CLEC16A: variants seen among roughly 807,000 people sequenced by gnomAD.
CLEC16A encodes the protein protein CLEC16A.
A neutral mutation model predicts 109.5 loss-of-function variants in CLEC16A; 51 were observed. The ratio of observed to expected loss-of-function variants is 0.47; its 90% CI spans 0.37 to 0.59. The LOEUF (loss-of-function observed/expected upper bound fraction) is 0.59. CLEC16A is among the 20% of genes least tolerant of loss of function. The probability of loss-of-function intolerance (pLI) is 0.00; values close to 1 mark genes in which losing one functional copy is unlikely to be tolerated. For missense variants in CLEC16A, 1,339 were observed against 1,394.0 expected, an observed-to-expected ratio of 0.96 and a Z score of 0.63; for synonymous variants, 673 against 564.2, an observed-to-expected ratio of 1.19 and a Z score of -2.73.
At chr16:11,167,756 C>T (rs1367140590) in intron 23 of CLEC16A, among the ~76,000 whole-genome samples, 1 of 152,232 alleles carries the variant, frequency 6.6e-6, no homozygotes. Flanking sequence ...GGCACCTGCT[C>T]CAGGGCATGA....
At chr16:11,167,102 G>T (rs1288054377) in intron 23 of CLEC16A, among the ~76,000 whole-genome samples, 2 of 152,162 alleles carry the variant, frequency 1.3e-5, no homozygotes, top group Non-Finnish European at 1.5e-5. Context: ...ACCCGGGAGT[G>T]AATGGGAGCC....
chr16:11,100,186 C>T (rs1404628322), intron 19 of CLEC16A, among the ~76,000 whole-genome samples: 1 of 152,212 alleles, frequency 6.6e-6, no homozygotes, highest in Non-Finnish European at 1.5e-5. Flanking sequence ...GTTTCAGAGC[C>T]AGTCATTCCT....
At chr16:11,040,965 G>A (rs1020156424) in intron 14 of CLEC16A, 1 of 152,160 alleles carries the variant, frequency 6.6e-6, no homozygotes, top group African/African-American at 2.4e-5. Flanking sequence ...ATGTTTCCAA[G>A]GCCTTAGAGG....
At position 11,126,557 on chromosome 16, in the gene CLEC16A, G is replaced by T. The variant is rs1015444052; in HGVS notation, c.2641+411G>T. On this transcript the variant is annotated intron_variant, in intron 22 of 23. Coordinates refer to ENST00000409790, the MANE Select transcript of CLEC16A (RefSeq NM_015226.3). ...CTGAAGAAGTGAGACTTCAAAAGAAGGCCGTGCTGCCCACAGGTCAGCTGT... is the reference window on the plus strand; with the variant it reads ...CTGAAGAAGTGAGACTTCAAAAGAATGCCGTGCTGCCCACAGGTCAGCTGT... 7.8e-5 allele frequency: 42 copies of T among 536,384 alleles called. 2 individuals are homozygous for T. The Admixed American group carries it at 1.3e-3, about 17-fold the overall frequency. 33.2% of individuals were successfully genotyped at this position (536,384 alleles called of 1,614,324 possible).
intron 19 of CLEC16A, 149 bp downstream of exon 19, chr16:11,061,171 A>G (rs756541021): frequency 2.8e-5 from 26 of 931,190 alleles, no homozygotes; most frequent in Non-Finnish European, 3.5e-5. Flanking sequence ...AGCGGTGTGC[A>G]TGTCCCATGC....
At chr16:10,985,076 G>A (rs2043547457) in intron 10 of CLEC16A, among the ~76,000 whole-genome samples, 2 of 151,708 alleles carry the variant, frequency 1.3e-5, no homozygotes, top group South Asian at 2.1e-4. Flanking sequence ...GGTGGCAGGC[G>A]CCTGCAGTCT....
chr16:11,138,374 C>T (rs1202010620), intron 22 of CLEC16A, among the ~76,000 whole-genome samples: 2 of 152,200 alleles, frequency 1.3e-5, no homozygotes, highest in Admixed American at 6.5e-5. Context: ...GATAGCAAAG[C>T]GCTTTGTGAG....
chr16:11,017,159 A>G (rs147082095), intron 11 of CLEC16A, among the ~76,000 whole-genome samples: 159 of 152,326 alleles, frequency 1.0e-3, no homozygotes, highest in African/African-American at 3.8e-3. Flanking sequence ...ACCCCGCCTC[A>G]GATCACAGCT....
At chr16:11,117,771 GA>G (rs1207263625) in intron 19 of CLEC16A, among the ~76,000 whole-genome samples, 1 of 152,102 alleles carries the variant, frequency 6.6e-6, no homozygotes, top group East Asian at 1.9e-4. Context: ...CATCTGGTGG[GA>G]AAAAATTGCA....
chr16:10,962,668 CG>C, intron 3 of CLEC16A, 80 bp downstream of exon 3: 1 of 1,479,052 alleles, frequency 6.8e-7, no homozygotes, highest in African/African-American at 1.4e-5. Flanking sequence ...TCTGTGTCTG[CG>C]CTTACTATTC....
Position 11,178,213 on chromosome 16 carries a change from C to CGCCA in CLEC16A, c.2807-113_2807-110dup. ...TGAGTGGAGCCACGCTGAGCCCTCA[C>CGCCA]GCCAGCCAGCCACCTCCCACCTAGC... On this transcript the variant is annotated intron_variant, in intron 23 of 23. Coordinates refer to ENST00000409790, the MANE Select transcript of CLEC16A (RefSeq NM_015226.3). This position sits in a 1 kb window ranked among gnomAD's most constrained non-coding sequence, Gnocchi z 6.5. 1.2e-6 allele frequency: 1 copy of CGCCA among 824,548 alleles called. No homozygotes were observed. Among genetic ancestry groups the CGCCA allele is most frequent in the South Asian group, 1.6e-5 (1 of 60,672 alleles). 51.1% of individuals were successfully genotyped at this position (824,548 alleles called of 1,614,324 possible). A position where few individuals can be genotyped will look rare whatever the true frequency, so the allele number is the denominator to read the frequency against.
chr16:11,100,484 C>T (rs746283976), intron 19 of CLEC16A, among the ~76,000 whole-genome samples: 3 of 152,226 alleles, frequency 2.0e-5, no homozygotes, highest in Non-Finnish European at 2.9e-5. Flanking sequence ...GTCCAGATTT[C>T]ACTAACTTAG....
At chr16:10,949,739 G>T (rs1455377156) in intron 1 of CLEC16A, among the ~76,000 whole-genome samples, 2 of 152,188 alleles carry the variant, frequency 1.3e-5, no homozygotes, top group Non-Finnish European at 2.9e-5. Flanking sequence ...TGGCAGAATG[G>T]ATTGGATGAG....
chr16:11,034,593 G>C (rs1187213826), intron 13 of CLEC16A, among the ~76,000 whole-genome samples: 1 of 152,066 alleles, frequency 6.6e-6, no homozygotes, highest in Non-Finnish European at 1.5e-5. Context: ...CCCTGTCCAC[G>C]GGTGGACAGG....
Position 10,978,428 on chromosome 16 carries a change from G to C in CLEC16A, c.904-901G>C, listed in dbSNP as rs553952016. On this transcript the variant is annotated intron_variant, in intron 8 of 23. Coordinates refer to ENST00000409790, the MANE Select transcript of CLEC16A (RefSeq NM_015226.3). ...TTTTCAAGATTCTCACTACAGATGAGTAAATAAAAGAAAGTGTATTTTTAG... is the reference window on the plus strand; with the variant it reads ...TTTTCAAGATTCTCACTACAGATGACTAAATAAAAGAAAGTGTATTTTTAG... Among the ~76,000 whole-genome samples the C allele has an allele frequency of 9.2e-5, 14 of 152,298 alleles. No individual in the cohort carries two copies. The East Asian group carries it at 2.5e-3, about 27-fold the overall frequency.
At chr16:11,162,176 G>A (rs1423428691) in intron 22 of CLEC16A, among the ~76,000 whole-genome samples, 15 of 152,356 alleles carry the variant, frequency 9.8e-5, no homozygotes, top group Admixed American at 9.1e-4. Context: ...GGCAGAACAC[G>A]GCCAGAGGGC....
chr16:11,037,767 T>G (rs1410630054), intron 13 of CLEC16A, among the ~76,000 whole-genome samples: 1 of 151,748 alleles, frequency 6.6e-6, no homozygotes, highest in Non-Finnish European at 1.5e-5. Context: ...ACAGAGGAGC[T>G]TTTATTCCCC....
At chr16:11,059,284 T>C (rs1315198823) in intron 18 of CLEC16A, among the ~76,000 whole-genome samples, 1 of 152,258 alleles carries the variant, frequency 6.6e-6, no homozygotes, top group Non-Finnish European at 1.5e-5. Context: ...ATGAAGACTG[T>C]ACTTTTAAAA....
intron 22 of CLEC16A, among the ~76,000 whole-genome samples, chr16:11,159,769 A>G (rs1370676205): frequency 6.6e-6 from 1 of 152,164 alleles, no homozygotes; most frequent in Non-Finnish European, 1.5e-5. Context: ...TTAAATGGTG[A>G]CATTAGCTTC....
Sources: gnomAD v4.1 joint callset for allele counts (sites outside exome capture counted in the v4.1 genomes callset) on GRCh38, gnomAD v4.1.1 for gene constraint, Gnocchi (gnomAD v3.1) non-coding constraint, MANE v1.5 for transcripts, NCBI Gene and HGNC (gene_info 2026-07-23, HGNC 2026-07-21) for gene names.